Variants in ITPR1 observed in about 807,000 individuals in gnomAD.
ITPR1 encodes the protein inositol 1,4,5-trisphosphate receptor type 1.
A neutral mutation model predicts 318.4 loss-of-function variants in ITPR1; 96 were observed. The observed-to-expected ratio is 0.30, with a 90% CI of 0.26 to 0.36. ITPR1 has a LOEUF of 0.36. Ranked by LOEUF, ITPR1 falls within the 10% of genes least tolerant of loss-of-function variation. The probability of loss-of-function intolerance (pLI) is 1.00; values close to 1 mark genes in which losing one functional copy is unlikely to be tolerated. For synonymous variants in ITPR1, 1,312 were observed against 1,289.9 expected, an observed-to-expected ratio of 1.02 and a Z score of -0.37; for missense variants, 2,440 against 3,460.2, an observed-to-expected ratio of 0.71 and a Z score of 7.40.
At chr3:4,770,390 T>A (rs2046110940) in intron 46 of ITPR1, among the ~76,000 whole-genome samples, 1 of 152,142 alleles carries the variant, frequency 6.6e-6, no homozygotes, top group Non-Finnish European at 1.5e-5. Context: ...CTTCTATAGT[T>A]GTTTGAATTT....
chr3:4,545,839 A>G (rs984312742), intron 4 of ITPR1, among the ~76,000 whole-genome samples: 5 of 151,760 alleles, frequency 3.3e-5, no homozygotes, highest in Non-Finnish European at 7.4e-5. Context: ...TCAGGACTAT[A>G]GGCTAGGACC....
intron 37 of ITPR1, among the ~76,000 whole-genome samples, chr3:4,709,812 A>G (rs2041219317): frequency 6.6e-6 from 1 of 152,212 alleles, no homozygotes; most frequent in African/African-American, 2.4e-5. Context: ...TGAATAATTC[A>G]TGCTCATTGA....
intron 4 of ITPR1, among the ~76,000 whole-genome samples, chr3:4,613,448 C>T (rs556826713): frequency 4.6e-5 from 7 of 152,212 alleles, no homozygotes; most frequent in African/African-American, 9.6e-5. Context: ...TTTTCTTTCA[C>T]GGAAGAGGGA....
intron 5 of ITPR1, among the ~76,000 whole-genome samples, chr3:4,633,515 C>G (rs753045767): frequency 6.6e-6 from 1 of 152,168 alleles, no homozygotes; most frequent in Non-Finnish European, 1.5e-5. Context: ...AATTAGTTGT[C>G]TAGACCACTT....
chr3:4,497,349 G>A (rs192014975), intron 2 of ITPR1, among the ~76,000 whole-genome samples: 2 of 152,226 alleles, frequency 1.3e-5, no homozygotes, highest in Admixed American at 1.3e-4. Context: ...CGATTCAAAT[G>A]TTTTATTCTT....
At chr3:4,763,525 A>G (rs1046511250) in intron 44 of ITPR1, among the ~76,000 whole-genome samples, 1 of 152,210 alleles carries the variant, frequency 6.6e-6, no homozygotes, top group African/African-American at 2.4e-5. Flanking sequence ...ACTCCTCTGA[A>G]TCCTCATTCC....
intron 4 of ITPR1, among the ~76,000 whole-genome samples, chr3:4,613,617 T>C (rs896712247): frequency 1.3e-5 from 2 of 152,140 alleles, no homozygotes; most frequent in African/African-American, 2.4e-5. Flanking sequence ...CTCTTCCTTA[T>C]AGACCAGCAG....
intron 40 of ITPR1, among the ~76,000 whole-genome samples, chr3:4,720,625 C>A (rs1454834544): frequency 1.3e-5 from 2 of 152,184 alleles, no homozygotes; most frequent in African/African-American, 4.8e-5. Context: ...ACTGTGGAAT[C>A]TCTGGAGCCA....
At chr3:4,811,107 C>T (rs1405660987) in intron 55 of ITPR1, among the ~76,000 whole-genome samples, 158 bp from the exon 56 acceptor site, 1 of 152,194 alleles carries the variant, frequency 6.6e-6, no homozygotes, top group East Asian at 1.9e-4. Flanking sequence ...ATCTCCGTTT[C>T]ACTGTGAAGC....
At chr3:4,586,479 ACTGT>A (rs1230708108) in intron 4 of ITPR1, among the ~76,000 whole-genome samples, 1 of 145,270 alleles carries the variant, frequency 6.9e-6, no homozygotes, top group Non-Finnish European at 1.5e-5. Context: ...TATTTAAGTC[ACTGT>A]CTGGCGGCAA....
intron 60 of ITPR1, among the ~76,000 whole-genome samples, chr3:4,831,593 T>A (rs535489155): frequency 6.6e-6 from 1 of 152,276 alleles, no homozygotes; most frequent in South Asian, 2.1e-4. Flanking sequence ...CACCCCAAGA[T>A]AATTCACAAC....
chr3:4,607,578 T>G (rs1559526488), intron 4 of ITPR1, among the ~76,000 whole-genome samples: 1 of 152,132 alleles, frequency 6.6e-6, no homozygotes, highest in Non-Finnish European at 1.5e-5. Context: ...GGAGGTTTAT[T>G]ATTGCTCAAA....
Position 4,806,274 on chromosome 3 carries a change from A to T in ITPR1, c.7272+7A>T. On this transcript the variant is annotated splice_region_variant and intron_variant, in intron 55 of 61. Transcript: ENST00000649015. ...ATTCTTCTACAGTCTGCTGGTGAGT[A>T]CCTGGTGTGGAAATATTTTATGTGT... 1 of 1,613,132 alleles carries T rather than the reference A, an allele frequency of 6.2e-7. No individual in the cohort carries two copies. The highest frequency in any genetic ancestry group is 8.5e-7 in the Non-Finnish European group (1 of 1,179,124).
At chr3:4,792,404 G>A (rs1478255820) in intron 52 of ITPR1, among the ~76,000 whole-genome samples, 2 of 152,186 alleles carry the variant, frequency 1.3e-5, no homozygotes, top group East Asian at 1.9e-4. Context: ...AACATGTCGT[G>A]ACTTAAAACA....
rs545639786 is a variant in ITPR1, at chr3:4,580,703, GT to G, written c.164-47058del. 1.4e-3 allele frequency among the ~76,000 whole-genome samples: 212 copies of G among 152,234 alleles called. 1 individual carries two copies. Among genetic ancestry groups the G allele is most frequent in the Middle Eastern group, 3.4e-3 (1 of 294 alleles). On this transcript the variant is annotated intron_variant, in intron 4 of 61. Transcript: ENST00000649015. ...AACCTCTTGCAGGGCCAGAATTTCT[GT>G]TGCTGAGCCCATTACAACAGATCCT...
chr3:4,520,735 C>T (rs943939806), intron 3 of ITPR1, among the ~76,000 whole-genome samples: 5 of 152,282 alleles, frequency 3.3e-5, no homozygotes, highest in East Asian at 1.9e-4. Flanking sequence ...CTGTGTCTCG[C>T]GACTTCAGCC....
intron 11 of ITPR1, among the ~76,000 whole-genome samples, chr3:4,653,563 A>G (rs577781089): frequency 6.6e-6 from 1 of 152,222 alleles, no homozygotes; most frequent in Non-Finnish European, 1.5e-5. Flanking sequence ...TTGATCTTTT[A>G]TTCATCTCAG....
chr3:4,771,444 C>T lies in ITPR1; in HGVS notation c.5979+2680C>T, dbSNP rs561525085. Among the ~76,000 whole-genome samples, 16 of 152,286 alleles carry T rather than the reference C, an allele frequency of 1.1e-4. No individual in the cohort carries two copies. In the South Asian group the frequency reaches 1.7e-3, roughly 16 times the overall value. ...TAGCTCTGGTGGTATGGGCCTGCTCCGCCTTCCCTCTCTCCCTGACCTTCC... is the reference window on the plus strand; with the variant it reads ...TAGCTCTGGTGGTATGGGCCTGCTCTGCCTTCCCTCTCTCCCTGACCTTCC... On this transcript the variant is annotated intron_variant, in intron 46 of 61. Coordinates refer to ENST00000649015, the MANE Select transcript of ITPR1 (RefSeq NM_001378452.1).
chr3:4,749,754 G>A (rs1045973461), intron 44 of ITPR1: 1 of 152,638 alleles, frequency 6.6e-6, no homozygotes, highest in Admixed American at 6.5e-5. Flanking sequence ...AAAGAGTTTT[G>A]TAGCATCAAC....
Sources: gnomAD v4.1 joint callset for allele counts (sites outside exome capture counted in the v4.1 genomes callset) on GRCh38, gnomAD v4.1.1 for gene constraint, MANE v1.5 for transcripts, NCBI Gene and HGNC (gene_info 2026-07-23, HGNC 2026-07-21) for gene names.